AGPAT4: variants seen among roughly 807,000 people sequenced by gnomAD.
AGPAT4 encodes 1-acyl-sn-glycerol-3-phosphate acyltransferase delta.
AGPAT4 carries 15 observed loss-of-function variants against 48.0 expected under a neutral mutation model. That is an observed-to-expected ratio of 0.31 (90% CI 0.21 to 0.48). The LOEUF (loss-of-function observed/expected upper bound fraction) is 0.48. Among genes scored for constraint, AGPAT4 ranks in the 20% least tolerant of loss-of-function variants. The pLI is 0.99. For synonymous variants in AGPAT4, 178 were observed against 198.7 expected (o/e 0.90, Z 0.88); for missense variants, 314 against 482.5 (o/e 0.65, Z 3.27).
In AGPAT4 at chr6:161,222,740, G is replaced by A. The variant is rs1316761291; in HGVS notation, c.178+9296C>T. On this transcript the variant is annotated intron_variant, in intron 2 of 8. Coordinates refer to ENST00000320285, the MANE Select transcript of AGPAT4 (RefSeq NM_020133.3). The surrounding 1 kb of genome is among the most constrained non-coding windows in gnomAD (Gnocchi z 5.9). ...CCATCTAGTGAGAGGGTCAATGGCT[G>A]CAAGTTGCTGCTAGGCGCTACTGTA... 6.6e-6 allele frequency among the ~76,000 whole-genome samples: 1 copy of A among 152,172 alleles called. No homozygotes were observed. The highest frequency in any genetic ancestry group is 1.5e-5 in the Non-Finnish European group (1 of 68,028).
At position 161,251,034 on chromosome 6, in the gene AGPAT4, T is replaced by C. The variant is rs543663073; in HGVS notation, c.-89-18732A>G. Among the ~76,000 whole-genome samples the C allele has an allele frequency of 1.2e-4, 19 of 152,352 alleles. No individual in the cohort carries two copies. The highest frequency in any genetic ancestry group is 4.6e-4 in the Admixed American group (7 of 15,310). On this transcript the variant is annotated intron_variant, in intron 1 of 8. Transcript: ENST00000320285. This position sits in a 1 kb window ranked among gnomAD's most constrained non-coding sequence, Gnocchi z 4.6. ...CAGTTTGTTTATTTTTATTCTTAGCTTATTGGAGGTTTAAATTACGATGAA... is the reference window on the plus strand; with the variant it reads ...CAGTTTGTTTATTTTTATTCTTAGCCTATTGGAGGTTTAAATTACGATGAA...
In AGPAT4 at chr6:161,206,134, T is replaced by C. The variant is rs1409969214; in HGVS notation, c.178+25902A>G. Among the ~76,000 whole-genome samples the C allele has an allele frequency of 1.3e-5, 2 of 152,060 alleles. No homozygotes were observed. Among genetic ancestry groups the C allele is most frequent in the Non-Finnish European group, 1.5e-5 (1 of 67,988 alleles). ...CTAAAGGATCAGGGAAGTGGCAGCC[T>C]AGCAAGACCGAAAACCTCTAGACAG... is the stretch of plus-strand genomic sequence containing the variant. On this transcript the variant is annotated intron_variant, in intron 2 of 8. Coordinates refer to ENST00000320285, the MANE Select transcript of AGPAT4 (RefSeq NM_020133.3). This position sits in a 1 kb window ranked among gnomAD's most constrained non-coding sequence, Gnocchi z 4.8.
intron 2 of AGPAT4, among the ~76,000 whole-genome samples, chr6:161,211,308 C>T (rs1243885026): frequency 6.6e-6 from 1 of 152,028 alleles, no homozygotes; most frequent in Non-Finnish European, 1.5e-5. Context: ...AGAAAACATT[C>T]TCTCCAAAAA....
chr6:161,145,626 C>T (rs990729729), intron 7 of AGPAT4, among the ~76,000 whole-genome samples: 2 of 151,626 alleles, frequency 1.3e-5, no homozygotes, highest in African/African-American at 2.4e-5. Flanking sequence ...AATCCTAACA[C>T]ATTCCCAAGT....
In AGPAT4 at chr6:161,212,870, A is replaced by G. The variant is rs34028328; in HGVS notation, c.178+19166T>C. Among the ~76,000 whole-genome samples the G allele has an allele frequency of 4.9e-3, 748 of 152,368 alleles. 5 individuals are homozygous for G. The highest frequency in any genetic ancestry group is 0.027 in the Middle Eastern group (8 of 294). On this transcript the variant is annotated intron_variant, in intron 2 of 8. Transcript: ENST00000320285. The surrounding 1 kb of genome is among the most constrained non-coding windows in gnomAD (Gnocchi z 6.1). ...CTTATAACAATACAGTTATTTGCAT[A>G]AGTGCAGTAAGAATCAATTTTCACT...
At position 161,166,767 on chromosome 6, in the gene AGPAT4, T is replaced by C. The variant is rs1203088469; in HGVS notation, c.179-350A>G. Among the ~76,000 whole-genome samples, 1 of 152,186 alleles carries C rather than the reference T, an allele frequency of 6.6e-6. No homozygotes were observed. Among genetic ancestry groups the C allele is most frequent in the East Asian group, 1.9e-4 (1 of 5,192 alleles). On this transcript the variant is annotated intron_variant, in intron 2 of 8. Transcript: ENST00000320285. This position sits in a 1 kb window ranked among gnomAD's most constrained non-coding sequence, Gnocchi z 6.7. ...CTGAAAGGCAGCGTGAGATGAGGTA[T>C]AGAATTCTTAATATCCTGGAAAATG...
rs1465549288 is a variant in AGPAT4, at chr6:161,147,860, T to C, written c.768-1261A>G. 6.6e-6 allele frequency among the ~76,000 whole-genome samples: 1 copy of C among 152,264 alleles called. No homozygotes were observed. The highest frequency in any genetic ancestry group is 1.5e-5 in the Non-Finnish European group (1 of 68,046). ...TTGATGTTTCAGTGCTTTGTACTGA[T>C]GTGTGTTCAGAAACATGCCTCAATC... On this transcript the variant is annotated intron_variant, in intron 6 of 8. Transcript: ENST00000320285. The surrounding 1 kb of genome is among the most constrained non-coding windows in gnomAD (Gnocchi z 4.8).
In AGPAT4 at chr6:161,238,044, G is replaced by T. The variant is rs1782346303; in HGVS notation, c.-89-5742C>A. Among the ~76,000 whole-genome samples, 1 of 145,222 alleles carries T rather than the reference G, an allele frequency of 6.9e-6. No homozygotes were observed. ...CGAGACCACCTGGAAGCCAAGCACT[G>T]CTGTGTGTTGGGGGGCTGGGGGTGG... On this transcript the variant is annotated intron_variant, in intron 1 of 8. Transcript: ENST00000320285. The surrounding 1 kb of genome is among the most constrained non-coding windows in gnomAD (Gnocchi z 5.2).
At chr6:161,157,003 C>T (rs900254118) in intron 3 of AGPAT4, among the ~76,000 whole-genome samples, 2 of 152,176 alleles carry the variant, frequency 1.3e-5, no homozygotes, top group Admixed American at 6.6e-5. Flanking sequence ...TTAATAAATA[C>T]GTGGGTAAAT....
rs1441490104 is a variant in AGPAT4 at position 161,184,632 on chromosome 6, C to T, written c.179-18215G>A. Among the ~76,000 whole-genome samples the T allele has an allele frequency of 6.6e-6, 1 of 152,128 alleles. No homozygotes were observed. Among genetic ancestry groups the T allele is most frequent in the Non-Finnish European group, 1.5e-5 (1 of 68,024 alleles). ...CCTGCTTCCTCCCAGGCTCTGTGGT[C>T]CACCTCTGTTCCTCTCCTACACCTA... is the stretch of plus-strand genomic sequence containing the variant. On this transcript the variant is annotated intron_variant, in intron 2 of 8. Coordinates refer to ENST00000320285, the MANE Select transcript of AGPAT4 (RefSeq NM_020133.3). This position sits in a 1 kb window ranked among gnomAD's most constrained non-coding sequence, Gnocchi z 4.8.
intron 3 of AGPAT4, among the ~76,000 whole-genome samples, chr6:161,156,925 G>A (rs531688607): frequency 2.6e-4 from 40 of 152,156 alleles, no homozygotes; most frequent in Admixed American, 7.9e-4. Flanking sequence ...CCATCCCTTC[G>A]TTTCCCATAA....
At position 161,172,439 on chromosome 6, in the gene AGPAT4, C is replaced by T. The variant is rs531138690; in HGVS notation, c.179-6022G>A. On this transcript the variant is annotated intron_variant, in intron 2 of 8. Transcript: ENST00000320285. ...CTCATCACAGTGTGGAGAGGGCATC[C>T]CAAGGTGCACACACTACAGGGAATC... Among the ~76,000 whole-genome samples the T allele has an allele frequency of 5.3e-4, 81 of 152,178 alleles. 1 individual carries two copies. The highest frequency in any genetic ancestry group is 6.8e-4 in the Non-Finnish European group (46 of 67,998).
chr6:161,239,760 A>G (rs545397321), intron 1 of AGPAT4, among the ~76,000 whole-genome samples: 1 of 152,276 alleles, frequency 6.6e-6, no homozygotes, highest in South Asian at 2.1e-4. Flanking sequence ...GTTTTTAATG[A>G]TAATACTCCA....
At chr6:161,151,060 C>T (rs543987668) in intron 5 of AGPAT4, among the ~76,000 whole-genome samples, 1 of 152,248 alleles carries the variant, frequency 6.6e-6, no homozygotes, top group African/African-American at 2.4e-5. Flanking sequence ...CAGAGGAAAA[C>T]CTCAAAAAAA....
At position 161,206,234 on chromosome 6, in the gene AGPAT4, T is replaced by TG. The variant is rs1489391993; in HGVS notation, c.178+25801dup. Among the ~76,000 whole-genome samples the TG allele has an allele frequency of 2.6e-5, 4 of 151,964 alleles. No individual in the cohort carries two copies. The highest frequency in any genetic ancestry group is 5.9e-5 in the Non-Finnish European group (4 of 67,986). On this transcript the variant is annotated intron_variant, in intron 2 of 8. Transcript: ENST00000320285. This position sits in a 1 kb window ranked among gnomAD's most constrained non-coding sequence, Gnocchi z 4.8. Reference sequence around the variant, plus strand: ...AACCCCCCATCAGCAAAGGTTGGGGTGGGGGGCTGTAATTTCACATCCTCT... The same window carrying TG: ...AACCCCCCATCAGCAAAGGTTGGGGTGGGGGGGCTGTAATTTCACATCCTCT...
At chr6:161,192,601 C>T (rs1780957703) in intron 2 of AGPAT4, among the ~76,000 whole-genome samples, 1 of 152,192 alleles carries the variant, frequency 6.6e-6, no homozygotes, top group Admixed American at 6.5e-5. Context: ...ATCCACGTAT[C>T]ACCTTTTTTT....
rs117827666 is a variant in AGPAT4 at position 161,266,946 on chromosome 6, A to G, written c.-90+6992T>C. Among the ~76,000 whole-genome samples the G allele has an allele frequency of 5.5e-3, 836 of 152,328 alleles. 12 individuals are homozygous for G. The highest frequency in any genetic ancestry group is 0.032 in the East Asian group (166 of 5,182). ...CCATTCTCATTTCAGAGTTGATCTA[A>G]GATAAGCACTGGCAGGGTCTTTGCA... On this transcript the variant is annotated intron_variant, in intron 1 of 8. Coordinates refer to ENST00000320285, the MANE Select transcript of AGPAT4 (RefSeq NM_020133.3). The surrounding 1 kb of genome is among the most constrained non-coding windows in gnomAD (Gnocchi z 6.2).
intron 1 of AGPAT4, among the ~76,000 whole-genome samples, chr6:161,269,000 A>G (rs1783347975): frequency 6.6e-6 from 1 of 152,236 alleles, no homozygotes; most frequent in African/African-American, 2.4e-5. Context: ...TCAGAACAAG[A>G]CAGAGACTTG....
intron 2 of AGPAT4, among the ~76,000 whole-genome samples, chr6:161,213,292 T>A (rs781389201): frequency 1.3e-5 from 2 of 152,212 alleles, no homozygotes; most frequent in Non-Finnish European, 2.9e-5. Context: ...TGTATACAAA[T>A]AATTAGGCCA....
Sources: gnomAD v4.1 joint callset for allele counts (sites outside exome capture counted in the v4.1 genomes callset) on GRCh38, gnomAD v4.1.1 for gene constraint, Gnocchi (gnomAD v3.1) non-coding constraint, MANE v1.5 for transcripts, NCBI Gene and HGNC (gene_info 2026-07-23, HGNC 2026-07-21) for gene names.